METTL25: variants seen among roughly 807,000 people sequenced by gnomAD.
METTL25 encodes probable methyltransferase-like protein 25.
METTL25 carries 64 observed loss-of-function variants against 71.6 expected under a neutral mutation model. The observed-to-expected ratio is 0.89, with a 90% confidence interval of 0.73 to 1.10. METTL25 has a LOEUF of 1.10. Ranked by LOEUF, METTL25 falls within the 50% of genes least tolerant of loss-of-function variation. The pLI is 0.00. For synonymous variants in METTL25, 287 were observed against 250.3 expected (o/e 1.15, Z -1.38); for missense variants, 807 against 707.0 (o/e 1.14, Z -1.60).
chr12:82,408,597 C>CGTGTGTGTGTGTGTGTGTGT (rs56872887), intron 5 of METTL25, among the ~76,000 whole-genome samples: 8 of 147,634 alleles, frequency 5.4e-5, no homozygotes, highest in African/African-American at 2.0e-4. Context: ...GATGTGACTC[C>CGTGTGTGTGTGTGTGTGTGT]GTGTGTGTGT....
chr12:82,404,023 G>T (rs1196231486), intron 5 of METTL25, among the ~76,000 whole-genome samples: 1 of 151,936 alleles, frequency 6.6e-6, no homozygotes, highest in South Asian at 2.1e-4. Context: ...TTCTTATTTA[G>T]TCATGCCCAG....
rs758762950 is a variant in METTL25 at position 82,358,787 on chromosome 12, A to G, written c.222A>G (p.Ser74=). 6.2e-7 allele frequency: 1 copy of G among 1,613,582 alleles called. No homozygotes were observed. The highest frequency in any genetic ancestry group is 1.7e-4 in the Middle Eastern group (1 of 6,060). Residue 74 remains serine (S), a synonymous_variant, in exon 1 of 12, where the codon TCA becomes TCG. Transcript: ENST00000248306. Reference sequence around the variant, plus strand: ...CGTCGGAGACGGAGGCCCTGCCCTCAGAGACGCGCCCCCTAGTGGAAGCAG... The same window carrying G: ...CGTCGGAGACGGAGGCCCTGCCCTCGGAGACGCGCCCCCTAGTGGAAGCAG... The part of the protein sequence containing the change: ...KSASETEALP[S]ETRPLVEAEW...
At chr12:82,478,028 A>G (rs1222361671) in intron 11 of METTL25, among the ~76,000 whole-genome samples, 3 of 151,836 alleles carry the variant, frequency 2.0e-5, no homozygotes, top group Non-Finnish European at 4.4e-5. Flanking sequence ...ACAAATGCTA[A>G]TTGAAACAAA....
At chr12:82,385,940 G>C (rs931030206) in intron 1 of METTL25, among the ~76,000 whole-genome samples, 12 of 152,052 alleles carry the variant, frequency 7.9e-5, no homozygotes, top group Non-Finnish European at 1.6e-4. Flanking sequence ...GTTCACCTTG[G>C]CAAGATACAG....
rs752418359 is a variant in METTL25 at position 82,398,765 on chromosome 12, C to T, written c.532-30C>T. 27 of 1,394,452 alleles carry T rather than the reference C, an allele frequency of 1.9e-5. No individual in the cohort carries two copies. The Admixed American group carries it at 2.4e-4, about 13-fold the overall frequency. 86.4% of individuals were successfully genotyped at this position (1,394,452 alleles called of 1,614,324 possible). The stretch of plus-strand genomic sequence containing the variant: ...TTTCTATTACCATTTGCCTAAAATT[C>T]TTTAATTTATTCTTTTTTTCTAATC... On this transcript the variant is annotated intron_variant, in intron 3 of 11. Transcript: ENST00000248306.
chr12:82,414,548 C>G (rs1460665669), intron 5 of METTL25, among the ~76,000 whole-genome samples: 1 of 152,018 alleles, frequency 6.6e-6, no homozygotes, highest in African/African-American at 2.4e-5. Flanking sequence ...AAAAGTTCTC[C>G]CTGTGTTCAT....
In METTL25 at chr12:82,449,812, C is replaced by G. The variant is rs566241913; in HGVS notation, c.1479-6915C>G. ...ACAGATTCTAAAAATCCTCTGCACCCAATTTTCCCCTCTAACCACTGTCCT... is the reference window on the plus strand; with the variant it reads ...ACAGATTCTAAAAATCCTCTGCACCGAATTTTCCCCTCTAACCACTGTCCT... On this transcript the variant is annotated intron_variant, in intron 8 of 11. Coordinates refer to ENST00000248306, the MANE Select transcript of METTL25 (RefSeq NM_032230.3). 1.7e-4 allele frequency among the ~76,000 whole-genome samples: 11 copies of G among 63,522 alleles called. No individual in the cohort carries two copies. In the Admixed American group the frequency reaches 2.0e-3, roughly 12 times the overall value. The allele number at this position is 63,522 out of a possible 152,430, so 41.7% of individuals were successfully genotyped here. A position where few individuals can be genotyped will look rare whatever the true frequency, so the allele number is the denominator to read the frequency against.
chr12:82,410,415 T>A (rs1887465886), intron 5 of METTL25, among the ~76,000 whole-genome samples: 1 of 152,128 alleles, frequency 6.6e-6, no homozygotes, highest in African/African-American at 2.4e-5. Flanking sequence ...TAAACAAGAC[T>A]ATTTACTGCT....
chr12:82,410,950 A>C (rs544174499), intron 5 of METTL25, among the ~76,000 whole-genome samples: 5 of 152,222 alleles, frequency 3.3e-5, no homozygotes, highest in Non-Finnish European at 7.4e-5. Flanking sequence ...TTGAAATTTC[A>C]ACAGATTAAA....
At chr12:82,390,880 G>A (rs1164468709) in intron 3 of METTL25, among the ~76,000 whole-genome samples, 1 of 152,066 alleles carries the variant, frequency 6.6e-6, no homozygotes, top group East Asian at 1.9e-4. Flanking sequence ...ATCTTGGGGA[G>A]CGAGTGCTGT....
In METTL25 at chr12:82,358,542, C is replaced by T. The variant is rs1881261909; in HGVS notation, c.-24C>T. ...CGCCTCACGGCCATGTTTGCGCCAC[C>T]TACAGCCTCGGAGGGTGAGCGTCAT... On this transcript the variant is annotated 5_prime_UTR_variant, in exon 1 of 12. Coordinates refer to ENST00000248306, the MANE Select transcript of METTL25 (RefSeq NM_032230.3). 6.2e-7 allele frequency: 1 copy of T among 1,605,012 alleles called. No individual in the cohort carries two copies. Among genetic ancestry groups the T allele is most frequent in the East Asian group, 2.2e-5 (1 of 44,774 alleles).
chr12:82,472,061 G>T (rs1170249579), intron 9 of METTL25, among the ~76,000 whole-genome samples: 1 of 152,182 alleles, frequency 6.6e-6, no homozygotes, highest in African/African-American at 2.4e-5. Flanking sequence ...TTGAGACGCA[G>T]TTGAGATTCC....
intron 1 of METTL25, among the ~76,000 whole-genome samples, chr12:82,371,303 T>C (rs949102239): frequency 1.3e-5 from 2 of 152,188 alleles, no homozygotes; most frequent in Non-Finnish European, 2.9e-5. Flanking sequence ...CTCAGTCCTG[T>C]TGTTGGATCA....
intron 9 of METTL25, among the ~76,000 whole-genome samples, chr12:82,466,647 T>A (rs552151073): frequency 6.6e-6 from 1 of 152,234 alleles, no homozygotes; most frequent in Admixed American, 6.6e-5. Flanking sequence ...GGGTTTTTTC[T>A]GTTGATTATC....
chr12:82,383,481 T>A (rs750902165), intron 1 of METTL25, among the ~76,000 whole-genome samples: 10 of 152,216 alleles, frequency 6.6e-5, no homozygotes, highest in Non-Finnish European at 7.3e-5. Context: ...ACAGCCTTCC[T>A]ACGTCTCAGT....
chr12:82,449,951 C>A (rs1281247391), intron 8 of METTL25, among the ~76,000 whole-genome samples: 1 of 152,118 alleles, frequency 6.6e-6, no homozygotes, highest in African/African-American at 2.4e-5. Flanking sequence ...AGCAAACCAC[C>A]CTGTTCTGGA....
chr12:82,376,780 G>T (rs1206980214), intron 1 of METTL25, among the ~76,000 whole-genome samples: 1 of 152,058 alleles, frequency 6.6e-6, no homozygotes, highest in East Asian at 1.9e-4. Context: ...TTACTTTTTG[G>T]AGGGGGAGAG....
chr12:82,378,972 C>T lies in METTL25; in HGVS notation c.260-7831C>T, dbSNP rs184028816. On this transcript the variant is annotated intron_variant, in intron 1 of 11. Transcript: ENST00000248306. ...ACTTGAGCCCTGGAGATCAAGGTTG[C>T]AGTGAGCCATGATCATGCTGCTGCA... 8.7e-4 allele frequency among the ~76,000 whole-genome samples: 133 copies of T among 152,264 alleles called. 1 individual carries two copies. In the East Asian group the frequency reaches 0.024, roughly 27 times the overall value.
intron 5 of METTL25, among the ~76,000 whole-genome samples, chr12:82,418,186 C>T (rs1888152759): frequency 6.6e-6 from 1 of 152,018 alleles, no homozygotes; most frequent in African/African-American, 2.4e-5. Flanking sequence ...ATATCAATGG[C>T]TTTTGAACTA....
Sources: allele counts gnomAD v4.1 joint callset (sites outside exome capture counted in the v4.1 genomes callset), GRCh38; gene constraint gnomAD v4.1.1; transcripts MANE v1.5; gene names NCBI Gene and HGNC (gene_info 2026-07-23, HGNC 2026-07-21).